INTS2: variants seen among roughly 807,000 people sequenced by gnomAD.
The protein encoded by INTS2 is KIAA1287.
In INTS2, 57 loss-of-function variants were observed where a neutral mutation model predicts 139.6. That is an observed-to-expected ratio of 0.41 (90% CI 0.33 to 0.51). The LOEUF (loss-of-function observed/expected upper bound fraction) is 0.51. Among genes scored for constraint, INTS2 ranks in the 20% least tolerant of loss-of-function variants. INTS2 has a pLI of 0.28. For missense variants in INTS2, 1,196 were observed against 1,436.7 expected, an observed-to-expected ratio of 0.83 and a Z score of 2.71; for synonymous variants, 473 against 493.4, an observed-to-expected ratio of 0.96 and a Z score of 0.55.
In INTS2 at chr17:61,878,096, G is replaced by A; in HGVS notation, c.2255-8C>T. The A allele has an allele frequency of 6.4e-7, 1 of 1,574,278 alleles. No homozygotes were observed. Among genetic ancestry groups the A allele is most frequent in the Non-Finnish European group, 8.7e-7 (1 of 1,143,942 alleles). ...CTGGGACAGCTGAAAATGCTAAAAA[G>A]AAAATTTAGCAATCATAACCTAAAT... On this transcript the variant is annotated splice_region_variant and splice_polypyrimidine_tract_variant and intron_variant, in intron 17 of 24. Coordinates refer to ENST00000251334, the MANE Select transcript of INTS2 (RefSeq NM_001351695.2).
intron 8 of INTS2, among the ~76,000 whole-genome samples, chr17:61,905,544 C>T (rs1253707186): frequency 6.6e-6 from 1 of 152,134 alleles, no homozygotes; most frequent in Non-Finnish European, 1.5e-5. Flanking sequence ...ATAGGTTGTC[C>T]TCGAACTCCT....
chr17:61,913,469 T>C (rs949551426), intron 5 of INTS2, among the ~76,000 whole-genome samples: 8 of 152,112 alleles, frequency 5.3e-5, no homozygotes, highest in African/African-American at 1.9e-4. Flanking sequence ...ATGACATCTT[T>C]GTTCTTTGTT....
chr17:61,896,203 G>C (rs2145934724), intron 11 of INTS2, among the ~76,000 whole-genome samples: 2 of 135,820 alleles, frequency 1.5e-5, no homozygotes, highest in Middle Eastern at 4.7e-3. Flanking sequence ...TCGCACCACT[G>C]CACTCTAGCC....
At position 61,869,653 on chromosome 17, in the gene INTS2, C is replaced by A. The variant is rs1212836198; in HGVS notation, c.3030+84G>T. 2 of 1,439,134 alleles carry A rather than the reference C, an allele frequency of 1.4e-6. No homozygotes were observed. The highest frequency in any genetic ancestry group is 2.9e-5 in the African/African-American group (2 of 70,064). 89.1% of individuals were successfully genotyped at this position (1,439,134 alleles called of 1,614,324 possible). A position where few individuals can be genotyped will look rare whatever the true frequency, so the allele number is the denominator to read the frequency against. On this transcript the variant is annotated intron_variant, in intron 21 of 24. Coordinates refer to ENST00000251334, the MANE Select transcript of INTS2 (RefSeq NM_001351695.2). This position sits in a 1 kb window ranked among gnomAD's most constrained non-coding sequence, Gnocchi z 5.4. Reference sequence around the variant, plus strand: ...GGATCATTTGTGTTTTCTCTGGTTTCTAAATGATCCCTGTTAATATAGTAT... The same window carrying A: ...GGATCATTTGTGTTTTCTCTGGTTTATAAATGATCCCTGTTAATATAGTAT...
chr17:61,925,854 A>T (rs2079706306), intron 2 of INTS2, among the ~76,000 whole-genome samples: 1 of 150,790 alleles, frequency 6.6e-6, no homozygotes, highest in Non-Finnish European at 1.5e-5. Context: ...ATGAAACCCC[A>T]TCTCTACTAA....
chr17:61,884,583 T>C (rs980562739), intron 16 of INTS2, among the ~76,000 whole-genome samples: 1 of 152,124 alleles, frequency 6.6e-6, no homozygotes, highest in Non-Finnish European at 1.5e-5. Flanking sequence ...CTGTTAAGTG[T>C]CTGTTAGGTT....
chr17:61,906,193 A>T (rs1472422511), intron 8 of INTS2, among the ~76,000 whole-genome samples: 1 of 152,186 alleles, frequency 6.6e-6, no homozygotes, highest in African/African-American at 2.4e-5. Context: ...GAGTGCCAAT[A>T]TGAGGTAATG....
chr17:61,914,826 A>G (rs2079563430), intron 5 of INTS2, among the ~76,000 whole-genome samples: 1 of 151,250 alleles, frequency 6.6e-6, no homozygotes, highest in Non-Finnish European at 1.5e-5. Context: ...GTGAATCATG[A>G]CCACACCACT....
At chr17:61,883,025 A>G (rs1176908612) in intron 16 of INTS2, among the ~76,000 whole-genome samples, 1 of 152,198 alleles carries the variant, frequency 6.6e-6, no homozygotes, top group Admixed American at 6.5e-5. Flanking sequence ...ACATCGTAAC[A>G]ATCAAAAATG....
At chr17:61,883,325 C>G (rs1489391577) in intron 16 of INTS2, among the ~76,000 whole-genome samples, 1 of 149,704 alleles carries the variant, frequency 6.7e-6, no homozygotes, top group Non-Finnish European at 1.5e-5. Flanking sequence ...CTAGCCTAAC[C>G]AACATGATGA....
In INTS2 at chr17:61,870,767, T is replaced by C. The variant is rs2079082282; in HGVS notation, c.2779-779A>G. On this transcript the variant is annotated intron_variant, in intron 20 of 24. Coordinates refer to ENST00000251334, the MANE Select transcript of INTS2 (RefSeq NM_001351695.2). This position sits in a 1 kb window ranked among gnomAD's most constrained non-coding sequence, Gnocchi z 4.4. Reference sequence around the variant, plus strand: ...TTAGACTACTTTATAATCATGGTTCTTGGGGAAAGGAGTTTTTGGTTATTG... The same window carrying C: ...TTAGACTACTTTATAATCATGGTTCCTGGGGAAAGGAGTTTTTGGTTATTG... Among the ~76,000 whole-genome samples the C allele has an allele frequency of 6.6e-6, 1 of 152,230 alleles. No individual in the cohort carries two copies. Among genetic ancestry groups the C allele is most frequent in the Non-Finnish European group, 1.5e-5 (1 of 68,042 alleles).
At position 61,897,928 on chromosome 17, in the gene INTS2, A is replaced by G. The variant is rs541963131; in HGVS notation, c.1308-189T>C. On this transcript the variant is annotated intron_variant, in intron 9 of 24. Coordinates refer to ENST00000251334, the MANE Select transcript of INTS2 (RefSeq NM_001351695.2). The surrounding 1 kb of genome is among the most constrained non-coding windows in gnomAD (Gnocchi z 4.4). ...AGGTATGAAGTAATTCTAGAGCTCA[A>G]GAATGAGGACCTTTGCTTTTTTTCA... Among the ~76,000 whole-genome samples, 7 of 152,352 alleles carry G rather than the reference A, an allele frequency of 4.6e-5. 1 individual carries two copies. In the South Asian group the frequency reaches 1.4e-3, roughly 32 times the overall value.
chr17:61,898,467 T>C (rs1205131948), intron 9 of INTS2, among the ~76,000 whole-genome samples: 1 of 151,990 alleles, frequency 6.6e-6, no homozygotes, highest in Non-Finnish European at 1.5e-5. Context: ...GCTAATATTT[T>C]TTATTTTTAG....
chr17:61,912,686 C>T (rs1429480338), intron 5 of INTS2, among the ~76,000 whole-genome samples: 1 of 151,860 alleles, frequency 6.6e-6, no homozygotes, highest in African/African-American at 2.4e-5. Context: ...AACTCTAAAC[C>T]CAGTTCAATG....
chr17:61,909,779 T>C lies in INTS2; in HGVS notation c.954+1741A>G, dbSNP rs28823738. 1.6e-3 allele frequency among the ~76,000 whole-genome samples: 234 copies of C among 142,146 alleles called. 1 individual carries two copies. Among genetic ancestry groups the C allele is most frequent in the African/African-American group, 5.8e-3 (226 of 39,078 alleles). The allele number at this position is 142,146 out of a possible 152,430, so 93.3% of individuals were successfully genotyped here. On this transcript the variant is annotated intron_variant, in intron 7 of 24. Coordinates refer to ENST00000251334, the MANE Select transcript of INTS2 (RefSeq NM_001351695.2). This position sits in a 1 kb window ranked among gnomAD's most constrained non-coding sequence, Gnocchi z 4.9. ...GAGTTGTATTCCATGGTGTGTGTGT[T>C]TGTGTGTGTGTATACATATATACGT...
intron 15 of INTS2, among the ~76,000 whole-genome samples, chr17:61,888,235 T>C (rs111848284): frequency 0.12 from 18,674 of 151,762 alleles, 1,581 homozygotes; most frequent in Non-Finnish European, 0.19. Context: ...CCAGGCATGG[T>C]GGTGTCCACC....
intron 2 of INTS2, among the ~76,000 whole-genome samples, chr17:61,925,311 T>G (rs753390946): frequency 1.3e-5 from 2 of 152,230 alleles, no homozygotes; most frequent in Non-Finnish European, 2.9e-5. Flanking sequence ...CCAGGCACAG[T>G]GGCTCACGCC....
At chr17:61,889,091 CTTT>C (rs577423232) in intron 15 of INTS2, among the ~76,000 whole-genome samples, 3 of 140,562 alleles carry the variant, frequency 2.1e-5, no homozygotes, top group African/African-American at 2.6e-5. Flanking sequence ...AACTCTTCTA[CTTT>C]TTTTTTTTTT....
At chr17:61,889,303 T>C (rs2079265355) in intron 15 of INTS2, among the ~76,000 whole-genome samples, 1 of 152,046 alleles carries the variant, frequency 6.6e-6, no homozygotes, top group Non-Finnish European at 1.5e-5. Context: ...ACCAGGCTGG[T>C]CTCGAACTCC....
Sources: allele counts gnomAD v4.1 joint callset (sites outside exome capture counted in the v4.1 genomes callset), GRCh38; gene constraint gnomAD v4.1.1; non-coding constraint Gnocchi (gnomAD v3.1); transcripts MANE v1.5; gene names NCBI Gene and HGNC (gene_info 2026-07-23, HGNC 2026-07-21).